MBNL1: variants seen among roughly 807,000 people sequenced by gnomAD.
MBNL1 encodes muscleblind like splicing regulator 1.
In MBNL1, 8 loss-of-function variants were observed where a neutral mutation model predicts 42.2. The observed-to-expected ratio is 0.19, with a 90% CI of 0.11 to 0.34. MBNL1 has a LOEUF of 0.34. Ranked by LOEUF, MBNL1 falls within the 10% of genes least tolerant of loss-of-function variation. The pLI is 1.00. For synonymous variants in MBNL1, 169 were observed against 173.9 expected, an observed-to-expected ratio of 0.97 and a Z score of 0.22; for missense variants, 309 against 495.3, an observed-to-expected ratio of 0.62 and a Z score of 3.57.
At chr3:152,369,833 A>G (rs994848392) in intron 2 of MBNL1, among the ~76,000 whole-genome samples, 2 of 151,982 alleles carry the variant, frequency 1.3e-5, no homozygotes, top group African/African-American at 4.8e-5. Context: ...TGTAAACTGT[A>G]TTTCTTTGGG....
intron 2 of MBNL1, among the ~76,000 whole-genome samples, chr3:152,411,290 G>C (rs1452968467): frequency 6.6e-6 from 1 of 152,196 alleles, no homozygotes; most frequent in Admixed American, 6.5e-5. Flanking sequence ...GGGAGGCCAA[G>C]ATGGGTGGAT....
At chr3:152,398,267 T>G (rs2098070057) in intron 2 of MBNL1, among the ~76,000 whole-genome samples, 1 of 152,124 alleles carries the variant, frequency 6.6e-6, no homozygotes, top group Non-Finnish European at 1.5e-5. Context: ...TCAGAACAGT[T>G]GATTAAAAAT....
At chr3:152,441,073 G>A (rs2099139602) in intron 4 of MBNL1, among the ~76,000 whole-genome samples, 1 of 152,092 alleles carries the variant, frequency 6.6e-6, no homozygotes, top group South Asian at 2.1e-4. Flanking sequence ...GCTTTTGATT[G>A]TTATTCTCCA....
chr3:152,335,948 CT>C (rs545347726), intron 2 of MBNL1, among the ~76,000 whole-genome samples: 42 of 152,222 alleles, frequency 2.8e-4, no homozygotes, highest in African/African-American at 8.9e-4. Flanking sequence ...CTCAACTCTT[CT>C]TTTTTCATGA....
intron 2 of MBNL1, chr3:152,302,457 A>G (rs1186821416): frequency 2.6e-5 from 4 of 152,188 alleles, no homozygotes; most frequent in Non-Finnish European, 4.4e-5. Context: ...AATTTTGAAT[A>G]TGTAATTAAG....
At chr3:152,343,245 G>T (rs2093656708) in intron 2 of MBNL1, among the ~76,000 whole-genome samples, 1 of 152,144 alleles carries the variant, frequency 6.6e-6, no homozygotes, top group African/African-American at 2.4e-5. Context: ...CAGATGATGG[G>T]ATTATCAATC....
intron 2 of MBNL1, among the ~76,000 whole-genome samples, chr3:152,361,351 G>C (rs538142903): frequency 6.6e-6 from 1 of 151,948 alleles, no homozygotes; most frequent in East Asian, 1.9e-4. Context: ...GAGGCAGGCA[G>C]ATCTTTCTGT....
chr3:152,357,792 C>A (rs2095633385), intron 2 of MBNL1, among the ~76,000 whole-genome samples: 1 of 152,156 alleles, frequency 6.6e-6, no homozygotes, highest in African/African-American at 2.4e-5. Flanking sequence ...GGAATCTAAG[C>A]TTCAGTGAGA....
intron 2 of MBNL1, among the ~76,000 whole-genome samples, chr3:152,351,468 T>C (rs185111058): frequency 3.5e-4 from 53 of 151,074 alleles, no homozygotes; most frequent in Admixed American, 3.1e-3. Flanking sequence ...GTGTTTGTTT[T>C]ATGGTTGCTA....
intron 2 of MBNL1, among the ~76,000 whole-genome samples, chr3:152,361,946 A>G (rs2095992022): frequency 1.3e-5 from 2 of 152,174 alleles, no homozygotes; most frequent in South Asian, 4.1e-4. Context: ...AATTTTAAAA[A>G]TGTGTTGCTC....
chr3:152,347,662 C>G (rs1035571837), intron 2 of MBNL1, among the ~76,000 whole-genome samples: 1 of 152,088 alleles, frequency 6.6e-6, no homozygotes, highest in Admixed American at 6.6e-5. Context: ...AGTTATTTGG[C>G]TTCCTATGAC....
intron 2 of MBNL1, among the ~76,000 whole-genome samples, chr3:152,252,005 T>C (rs35540183): frequency 0.57 from 86,733 of 151,886 alleles, 25,255 homozygotes; most frequent in Non-Finnish European, 0.63. Context: ...TATTTAATTA[T>C]TAATTTATGT....
intron 2 of MBNL1, among the ~76,000 whole-genome samples, chr3:152,334,118 G>C (rs2087488853): frequency 6.6e-6 from 1 of 152,184 alleles, no homozygotes; most frequent in South Asian, 2.1e-4. Context: ...CTGTCATGAT[G>C]AAGTGAACAC....
At chr3:152,381,676 C>T (rs2097185623) in intron 2 of MBNL1, among the ~76,000 whole-genome samples, 1 of 151,454 alleles carries the variant, frequency 6.6e-6, no homozygotes. Context: ...TTTAACATGC[C>T]AATAATTCTT....
At chr3:152,452,276 C>T (rs1018213823) in intron 6 of MBNL1, among the ~76,000 whole-genome samples, 22 of 152,022 alleles carry the variant, frequency 1.4e-4, no homozygotes, top group African/African-American at 5.3e-4. Flanking sequence ...TAAGAAATAC[C>T]ACTTTCCTTT....
At chr3:152,316,008 C>T (rs1560110358) in intron 2 of MBNL1, among the ~76,000 whole-genome samples, 1 of 152,130 alleles carries the variant, frequency 6.6e-6, no homozygotes, top group Non-Finnish European at 1.5e-5. Context: ...TAATAAAGTA[C>T]TCCTTATCAG....
chr3:152,309,093 A>G (rs1055599217), intron 2 of MBNL1, among the ~76,000 whole-genome samples: 1 of 152,130 alleles, frequency 6.6e-6, no homozygotes, highest in Non-Finnish European at 1.5e-5. Context: ...AGTGAAAGAG[A>G]TACTTGAGGA....
At chr3:152,410,264 T>C (rs6765300) in intron 2 of MBNL1, among the ~76,000 whole-genome samples, 6,085 of 152,232 alleles carry the variant, frequency 0.04, 407 homozygotes, top group African/African-American at 0.14. Flanking sequence ...AAAAAAATTA[T>C]AGCAGTTTGA....
chr3:152,246,297 C>T (rs1056570511), intron 2 of MBNL1, among the ~76,000 whole-genome samples: 47 of 152,186 alleles, frequency 3.1e-4, no homozygotes, highest in African/African-American at 1.1e-3. Flanking sequence ...TAATTCAGAA[C>T]AGCAAATGAA....
Sources: allele counts gnomAD v4.1 joint callset (sites outside exome capture counted in the v4.1 genomes callset), GRCh38; gene constraint gnomAD v4.1.1; transcripts MANE v1.5; gene names NCBI Gene and HGNC (gene_info 2026-07-23, HGNC 2026-07-21).